The following LAMA3 variants were observed in gnomAD, a reference collection of about 807,000 sequenced individuals.
LAMA3 encodes the protein laminin subunit alpha-3.
Under a neutral mutation model 402.0 loss-of-function variants are expected in LAMA3, and 281 were observed. The observed-to-expected ratio is 0.70, with a 90% confidence interval of 0.63 to 0.77. The LOEUF is 0.77. Ranked by LOEUF, LAMA3 falls within the 30% of genes least tolerant of loss-of-function variation. The probability of loss-of-function intolerance (pLI) is 0.00; values close to 1 mark genes in which losing one functional copy is unlikely to be tolerated. For synonymous variants in LAMA3, 1,431 were observed against 1,558.4 expected (o/e 0.92, Z 1.93); for missense variants, 3,840 against 4,215.5 (o/e 0.91, Z 2.47).
At position 23,858,694 on chromosome 18, in the gene LAMA3, T is replaced by C. The variant is rs1395036506; in HGVS notation, c.4287T>C (p.Asn1429=). Residue 1429 remains asparagine (N), a synonymous_variant, in exon 34 of 75, where the codon AAT becomes AAC. Coordinates refer to ENST00000313654, the MANE Select transcript of LAMA3 (RefSeq NM_198129.4). ...PGTGACLCKE[N]VEGTECNVCR... ...TTCATGTTTTGCTTCAATAGGAAAATGTAGAAGGCACAGAGTGTAATGTGT... is the reference window on the plus strand; with the variant it reads ...TTCATGTTTTGCTTCAATAGGAAAACGTAGAAGGCACAGAGTGTAATGTGT... 5 of 1,614,050 alleles carry C rather than the reference T, an allele frequency of 3.1e-6. No homozygotes were observed. The highest frequency in any genetic ancestry group is 4.5e-5 in the East Asian group (2 of 44,892).
Position 23,907,683 on chromosome 18 carries a change from TC to T in LAMA3, c.6835+19del. ...TACAGAGAGGTCAGCATCTTCCTAA[TC>T]CATTGTACTCGGTTGGCTTCTTTTG... On this transcript the variant is annotated intron_variant, in intron 53 of 74. Transcript: ENST00000313654. The T allele has an allele frequency of 6.2e-7, 1 of 1,611,012 alleles. No individual in the cohort carries two copies. The highest frequency in any genetic ancestry group is 8.5e-7 in the Non-Finnish European group (1 of 1,177,118).
At chr18:23,761,382 A>G (rs2061965486) in intron 7 of LAMA3, among the ~76,000 whole-genome samples, 1 of 152,224 alleles carries the variant, frequency 6.6e-6, no homozygotes, top group African/African-American at 2.4e-5. Context: ...ATTACCATAT[A>G]GTGTTGAAAT....
intron 55 of LAMA3, among the ~76,000 whole-genome samples, chr18:23,912,140 T>G (rs1346655034): frequency 4.4e-5 from 1 of 22,776 alleles, no homozygotes; most frequent in African/African-American, 6.0e-5. Context: ...ATATATATAG[T>G]TTTTTTTTTT....
At chr18:23,813,234 T>C (rs2063109266) in intron 14 of LAMA3, 131 bp downstream of exon 14, 4 of 677,142 alleles carry the variant, frequency 5.9e-6, no homozygotes, top group Non-Finnish European at 1.1e-5. Context: ...GAGGTCATTG[T>C]TGTTTTTCAA....
At chr18:23,785,277 C>A (rs1423531128) in intron 12 of LAMA3, among the ~76,000 whole-genome samples, 1 of 152,198 alleles carries the variant, frequency 6.6e-6, no homozygotes, top group African/African-American at 2.4e-5. Context: ...GAAGTGCTGT[C>A]TTTAGCTTTC....
intron 30 of LAMA3, 64 bp downstream of exon 30, chr18:23,845,188 G>A (rs1228159166): frequency 5.5e-6 from 5 of 916,932 alleles, no homozygotes; most frequent in East Asian, 2.5e-5. Flanking sequence ...TGACCAGCTC[G>A]AGGCCCAGGG....
chr18:23,759,382 C>A (rs1420172375), intron 7 of LAMA3, among the ~76,000 whole-genome samples: 1 of 151,070 alleles, frequency 6.6e-6, no homozygotes, highest in African/African-American at 2.4e-5. Context: ...AACAAACAAA[C>A]CCTAAGACAT....
chr18:23,842,853 G>A, intron 29 of LAMA3, 103 bp downstream of exon 29: 4 of 1,428,990 alleles, frequency 2.8e-6, no homozygotes. Flanking sequence ...AGGAATTGAA[G>A]TCATATTTGT....
At chr18:23,880,860 G>A (rs770091541) in intron 39 of LAMA3, among the ~76,000 whole-genome samples, 3 of 152,158 alleles carry the variant, frequency 2.0e-5, no homozygotes, top group Non-Finnish European at 2.9e-5. Context: ...CCGGGCGACA[G>A]CACAAGAATC....
chr18:23,847,368 T>A (rs1598912089), intron 31 of LAMA3, 96 bp from the exon 32 acceptor site: 1 of 1,312,822 alleles, frequency 7.6e-7, no homozygotes, highest in East Asian at 2.3e-5. Flanking sequence ...TCTCTGACCC[T>A]TTGGAGGCTT....
intron 8 of LAMA3, among the ~76,000 whole-genome samples, chr18:23,771,408 A>G (rs1402224691): frequency 6.6e-6 from 1 of 152,224 alleles, no homozygotes; most frequent in Non-Finnish European, 1.5e-5. Flanking sequence ...TGAAGAGTTG[A>G]TGATGGAGAT....
chr18:23,826,485 A>C lies in LAMA3; in HGVS notation c.2572-217A>C, dbSNP rs35943794. The stretch of plus-strand genomic sequence containing the variant: ...TGAAACTTGAAGAATAAAACTGTTC[A>C]CACTGACAAGTTTCTCTCTGATACA... On this transcript the variant is annotated intron_variant, in intron 21 of 74. Transcript: ENST00000313654. 0.47 allele frequency among the ~76,000 whole-genome samples: 71,764 copies of C among 152,012 alleles called. 19,033 individuals carry two copies. The highest frequency in any genetic ancestry group is 0.61 in the Non-Finnish European group (41,548 of 67,924).
intron 27 of LAMA3, among the ~76,000 whole-genome samples, chr18:23,842,063 T>G (rs1383593501): frequency 6.6e-6 from 1 of 152,224 alleles, no homozygotes; most frequent in East Asian, 1.9e-4. Flanking sequence ...GGTTATGTGT[T>G]CAACTTTGGT....
In LAMA3 at chr18:23,842,530, C is replaced by T. The variant is rs1186355707; in HGVS notation, c.3463+9C>T. On this transcript the variant is annotated intron_variant, in intron 28 of 74. Transcript: ENST00000313654. Reference sequence around the variant, plus strand: ...CGGGTGGCCACGGGCAGGTGAGCTGCAGTGAGCAGGCCCTGCTGCCTGCCT... The same window carrying T: ...CGGGTGGCCACGGGCAGGTGAGCTGTAGTGAGCAGGCCCTGCTGCCTGCCT... 1.9e-6 allele frequency: 3 copies of T among 1,614,122 alleles called. No individual in the cohort carries two copies. The African/African-American group carries it at 4.0e-5, about 22-fold the overall frequency.
intron 67 of LAMA3, among the ~76,000 whole-genome samples, chr18:23,935,187 A>T (rs1302933976): frequency 1.3e-5 from 2 of 152,250 alleles, no homozygotes; most frequent in African/African-American, 4.8e-5. Context: ...GACAAGGGAG[A>T]GGCAGGAGTT....
At chr18:23,933,977 A>G (rs1216890116) in intron 67 of LAMA3, 42 bp downstream of exon 67, 1 of 1,597,114 alleles carries the variant, frequency 6.3e-7, no homozygotes, top group East Asian at 2.2e-5. Context: ...TCTTCCCTGG[A>G]GGATTCCCCT....
At chr18:23,781,769 G>A (rs941173398) in intron 11 of LAMA3, among the ~76,000 whole-genome samples, 12 of 152,154 alleles carry the variant, frequency 7.9e-5, no homozygotes, top group Admixed American at 7.9e-4. Context: ...TTTCTCCTGG[G>A]AAATTTTATG....
chr18:23,820,099 A>T lies in LAMA3; in HGVS notation c.2304+102A>T, dbSNP rs2063255864. ...GAAAGGTGACCTGTCCCCAGAACTGATTCCACGATTCTTTTTCTCTATATT... is the reference window on the plus strand; with the variant it reads ...GAAAGGTGACCTGTCCCCAGAACTGTTTCCACGATTCTTTTTCTCTATATT... On this transcript the variant is annotated intron_variant, in intron 19 of 74. Coordinates refer to ENST00000313654, the MANE Select transcript of LAMA3 (RefSeq NM_198129.4). 4.4e-6 allele frequency: 5 copies of T among 1,144,686 alleles called. No homozygotes were observed. The East Asian group carries it at 9.6e-5, about 22-fold the overall frequency. The allele number at this position is 1,144,686 out of a possible 1,614,324, so 70.9% of individuals were successfully genotyped here.
intron 5 of LAMA3, among the ~76,000 whole-genome samples, chr18:23,752,117 T>C (rs1331960023): frequency 6.6e-6 from 1 of 152,182 alleles, no homozygotes; most frequent in African/African-American, 2.4e-5. Flanking sequence ...GCAGGCACCT[T>C]GGGTGTAGGT....
Sources: allele counts gnomAD v4.1 joint callset (sites outside exome capture counted in the v4.1 genomes callset), GRCh38; gene constraint gnomAD v4.1.1; transcripts MANE v1.5; gene names NCBI Gene and HGNC (gene_info 2026-07-23, HGNC 2026-07-21).